GLUD1: variants seen among roughly 807,000 people sequenced by gnomAD.
GLUD1 encodes the protein glutamate dehydrogenase 1.
In GLUD1, 22 loss-of-function variants were observed where a neutral mutation model predicts 56.0. That is an observed-to-expected ratio of 0.39 (90% confidence interval 0.28 to 0.56). The LOEUF (loss-of-function observed/expected upper bound fraction) is 0.56, where lower values mean the gene tolerates loss of function less well. Ranked by LOEUF, GLUD1 falls within the 20% of genes least tolerant of loss-of-function variation. The pLI is 0.58. For missense variants in GLUD1, 451 were observed against 732.0 expected, an observed-to-expected ratio of 0.62 and a Z score of 4.43; for synonymous variants, 223 against 269.9, an observed-to-expected ratio of 0.83 and a Z score of 1.70.
At chr10:87,066,627 G>C (rs914422075) in intron 5 of GLUD1, among the ~76,000 whole-genome samples, 4 of 152,198 alleles carry the variant, frequency 2.6e-5, no homozygotes, top group African/African-American at 9.6e-5. Flanking sequence ...CAGACCAGAA[G>C]GTTTTATCTC....
intron 1 of GLUD1, among the ~76,000 whole-genome samples, chr10:87,081,646 C>A (rs1564561762): frequency 1.3e-5 from 2 of 152,132 alleles, no homozygotes; most frequent in Admixed American, 1.3e-4. Context: ...TGTGACCTTA[C>A]CCCGCAACCC....
At chr10:87,070,175 C>T (rs1373744679) in intron 4 of GLUD1, among the ~76,000 whole-genome samples, 1 of 152,152 alleles carries the variant, frequency 6.6e-6, no homozygotes, top group South Asian at 2.1e-4. Flanking sequence ...CCAACTAGGC[C>T]GGGGCAGTGG....
chr10:87,055,948 TACTAAAAA>T (rs1845760366), intron 11 of GLUD1, among the ~76,000 whole-genome samples: 3 of 151,442 alleles, frequency 2.0e-5, no homozygotes, highest in African/African-American at 7.3e-5. Flanking sequence ...ACCCCGTCTG[TACTAAAAA>T]TACAAAAAAA....
At chr10:87,064,279 AAAG>A (rs1352783218) in intron 5 of GLUD1, among the ~76,000 whole-genome samples, 7 of 152,208 alleles carry the variant, frequency 4.6e-5, no homozygotes, top group Non-Finnish European at 7.3e-5. Context: ...TAATTAGAAA[AAAG>A]AAGAATTGGG....
At chr10:87,077,021 T>A (rs1846415488) in intron 1 of GLUD1, among the ~76,000 whole-genome samples, 1 of 150,816 alleles carries the variant, frequency 6.6e-6, no homozygotes. Flanking sequence ...TTTGGGGGGG[T>A]AGGGGTGGGA....
At chr10:87,054,308 G>A (rs1845711486) in intron 11 of GLUD1, among the ~76,000 whole-genome samples, 1 of 152,120 alleles carries the variant, frequency 6.6e-6, no homozygotes, top group African/African-American at 2.4e-5. Context: ...AGGCTAAGTG[G>A]ATCATTGAAG....
At chr10:87,052,668 T>TAAAA (rs1285140190) in intron 12 of GLUD1, among the ~76,000 whole-genome samples, 3 of 16,562 alleles carry the variant, frequency 1.8e-4, no homozygotes, top group African/African-American at 3.9e-4. Context: ...AAACTCCGTC[T>TAAAA]CAAAAAAAAA....
intron 1 of GLUD1, among the ~76,000 whole-genome samples, chr10:87,085,730 T>C (rs1841367032): frequency 6.6e-6 from 1 of 152,226 alleles, no homozygotes; most frequent in Admixed American, 6.5e-5. Flanking sequence ...TGTAAGTGTA[T>C]ATCCTTCCAA....
chr10:87,083,470 A>C (rs1398681319), intron 1 of GLUD1, among the ~76,000 whole-genome samples: 1 of 152,194 alleles, frequency 6.6e-6, no homozygotes, highest in African/African-American at 2.4e-5. Context: ...AAAATCAGAA[A>C]ATCTTAAAAT....
At chr10:87,077,875 T>A (rs1846444634) in intron 1 of GLUD1, among the ~76,000 whole-genome samples, 1 of 152,016 alleles carries the variant, frequency 6.6e-6, no homozygotes. Flanking sequence ...TGGGTACGAT[T>A]TCCACTGGGA....
chr10:87,065,178 A>G (rs1846040823), intron 5 of GLUD1, among the ~76,000 whole-genome samples: 1 of 148,434 alleles, frequency 6.7e-6, no homozygotes, highest in South Asian at 2.2e-4. Flanking sequence ...CTGTAATCCC[A>G]GCTACTTGGG....
chr10:87,072,991 G>A (rs1846280100), intron 4 of GLUD1, among the ~76,000 whole-genome samples: 1 of 152,180 alleles, frequency 6.6e-6, no homozygotes, highest in African/African-American at 2.4e-5. Context: ...TGGGTATGCG[G>A]CACATCAAAG....
rs141156514 is a variant in GLUD1, at chr10:87,054,011, C to T, written c.1495-607G>A. Reference sequence around the variant, plus strand: ...TTCAGAGCTGGGATATGACTCAGGGCCTCCACCATCAAGTCAGTTCTCTCT... The same window carrying T: ...TTCAGAGCTGGGATATGACTCAGGGTCTCCACCATCAAGTCAGTTCTCTCT... On this transcript the variant is annotated intron_variant, in intron 11 of 12. Coordinates refer to ENST00000277865, the MANE Select transcript of GLUD1 (RefSeq NM_005271.5). Among the ~76,000 whole-genome samples the T allele has an allele frequency of 7.1e-3, 989 of 139,192 alleles. 15 individuals carry two copies. Among genetic ancestry groups the T allele is most frequent in the Non-Finnish European group, 6.2e-3 (413 of 66,178 alleles). 91.3% of individuals were successfully genotyped at this position (139,192 alleles called of 152,430 possible). A position where few individuals can be genotyped will look rare whatever the true frequency, so the allele number is the denominator to read the frequency against.
intron 1 of GLUD1, among the ~76,000 whole-genome samples, chr10:87,087,015 G>A (rs7068848): frequency 6.6e-6 from 1 of 151,846 alleles, no homozygotes; most frequent in Non-Finnish European, 1.5e-5. Flanking sequence ...GGGCTCAGTC[G>A]CACAAGACTG....
chr10:87,092,765 T>C (rs1841543443), intron 1 of GLUD1: 1 of 167,558 alleles, frequency 6.0e-6, no homozygotes, highest in Admixed American at 6.5e-5. Flanking sequence ...GCCAGCAAGA[T>C]AGTAAAAAAT....
At position 87,050,707 on chromosome 10, in the gene GLUD1, A is replaced by G. The variant is rs892267000; in HGVS notation, c.*1044T>C. 1.3e-5 allele frequency: 2 copies of G among 152,234 alleles called. No homozygotes were observed. The highest frequency in any genetic ancestry group is 4.8e-5 in the African/African-American group (2 of 41,452). The allele number at this position is 152,234 out of a possible 1,614,324, so 9.4% of individuals were successfully genotyped here. On this transcript the variant is annotated 3_prime_UTR_variant, in exon 13 of 13. Transcript: ENST00000277865. ...CTCAACCCAAGGATGTTTTCAGCCC[A>G]CTGTTAGTGAAGCTGGGTGCAGAAT...
At chr10:87,068,035 A>C in intron 5 of GLUD1, 28 bp downstream of exon 5, 2 of 1,320,910 alleles carry the variant, frequency 1.5e-6, no homozygotes, top group Non-Finnish European at 2.2e-6. Flanking sequence ...CAAATGCAGA[A>C]GCCTCGGGGC....
intron 5 of GLUD1, among the ~76,000 whole-genome samples, chr10:87,064,081 A>G (rs1846008562): frequency 6.6e-6 from 1 of 151,966 alleles, no homozygotes; most frequent in South Asian, 2.1e-4. Flanking sequence ...GGTATTTAGT[A>G]GAGTAGAGTA....
chr10:87,089,681 T>C, intron 1 of GLUD1: 3 of 981,302 alleles, frequency 3.1e-6, no homozygotes, highest in South Asian at 4.7e-5. Flanking sequence ...TTCTCCTAGT[T>C]TGTCTTCTTG....
Sources: gnomAD v4.1 joint callset for allele counts (sites outside exome capture counted in the v4.1 genomes callset) on GRCh38, gnomAD v4.1.1 for gene constraint, MANE v1.5 for transcripts, NCBI Gene and HGNC (gene_info 2026-07-23, HGNC 2026-07-21) for gene names.